Variants in FARS2 observed in about 807,000 individuals in gnomAD.
FARS2 encodes the protein phenylalanine--tRNA ligase, mitochondrial.
FARS2 carries 40 observed loss-of-function variants against 46.4 expected under a neutral mutation model. That is an observed-to-expected ratio of 0.86 (90% CI 0.67 to 1.12). The LOEUF (loss-of-function observed/expected upper bound fraction) is 1.12, where lower values mean the gene tolerates loss of function less well. Ranked by LOEUF, FARS2 falls within the 50% of genes most tolerant of loss-of-function variation. FARS2 has a pLI of 0.00. For missense variants in FARS2, 513 were observed against 567.9 expected (o/e 0.90, Z 0.98); for synonymous variants, 234 against 214.9 (o/e 1.09, Z -0.78).
At chr6:5,331,512 T>A (rs1436218420) in intron 1 of FARS2, among the ~76,000 whole-genome samples, 3 of 152,160 alleles carry the variant, frequency 2.0e-5, no homozygotes, top group Non-Finnish European at 4.4e-5. Flanking sequence ...TTACCTGGTG[T>A]CTTGTTCACA....
chr6:5,320,351 C>T (rs1431958751), intron 1 of FARS2, among the ~76,000 whole-genome samples: 2 of 152,142 alleles, frequency 1.3e-5, no homozygotes, highest in African/African-American at 2.4e-5. Context: ...TGATGGGAGG[C>T]CAAAAACAGA....
the FARS2 span, among the ~76,000 whole-genome samples, chr6:5,253,084 T>G: frequency 6.6e-6 from 1 of 152,220 alleles, no homozygotes; most frequent in Non-Finnish European, 1.5e-5. Flanking sequence ...TTACCCTTAA[T>G]AGGAGGCTCA....
intron 4 of FARS2, among the ~76,000 whole-genome samples, chr6:5,513,677 G>A (rs1285145959): frequency 6.6e-6 from 1 of 152,160 alleles, no homozygotes; most frequent in Non-Finnish European, 1.5e-5. Flanking sequence ...AGGTTGTCCA[G>A]GGTGATAAGA....
chr6:5,415,450 G>C (rs1211255093), intron 3 of FARS2, among the ~76,000 whole-genome samples: 1 of 151,006 alleles, frequency 6.6e-6, no homozygotes, highest in African/African-American at 2.4e-5. Context: ...CCAAGTAGCT[G>C]GGATTACAGG....
At chr6:5,363,812 T>G (rs1459663381) in intron 1 of FARS2, among the ~76,000 whole-genome samples, 1 of 152,230 alleles carries the variant, frequency 6.6e-6, no homozygotes, top group African/African-American at 2.4e-5. Context: ...CCAAGTATTC[T>G]TCTATCTTTT....
At chr6:5,514,045 C>T (rs773443525) in intron 4 of FARS2, among the ~76,000 whole-genome samples, 1 of 150,310 alleles carries the variant, frequency 6.7e-6, no homozygotes, top group African/African-American at 2.5e-5. Flanking sequence ...GTATACAATG[C>T]AGTAAAGTAG....
At chr6:5,454,236 G>A (rs1454368293) in intron 4 of FARS2, among the ~76,000 whole-genome samples, 2 of 148,290 alleles carry the variant, frequency 1.3e-5, no homozygotes, top group Non-Finnish European at 3.0e-5. Context: ...CCTTTCTGCT[G>A]TCACTTGTGA....
At chr6:5,556,195 T>G (rs1771646758) in intron 5 of FARS2, among the ~76,000 whole-genome samples, 1 of 152,120 alleles carries the variant, frequency 6.6e-6, no homozygotes, top group African/African-American at 2.4e-5. Context: ...TTAATCCTAG[T>G]TAAACCTAAC....
intron 2 of FARS2, among the ~76,000 whole-genome samples, chr6:5,375,616 A>G (rs1379553248): frequency 1.3e-5 from 2 of 152,068 alleles, no homozygotes; most frequent in East Asian, 3.8e-4. Context: ...GTGTAGTTGT[A>G]AAGATAGTTT....
At chr6:5,319,424 A>C (rs2086647498) in intron 1 of FARS2, among the ~76,000 whole-genome samples, 1 of 152,346 alleles carries the variant, frequency 6.6e-6, no homozygotes, top group South Asian at 2.1e-4. Context: ...CACACTATGC[A>C]TGTGGCCCCT....
chr6:5,341,206 TATATATATATATATATATA>T (rs1771556080), intron 1 of FARS2, among the ~76,000 whole-genome samples: 7 of 8,012 alleles, frequency 8.7e-4, no homozygotes, highest in African/African-American at 1.6e-3. Context: ...TATATATATA[TATATATATATATATATATA>T]TATATATATA....
intron 4 of FARS2, among the ~76,000 whole-genome samples, chr6:5,433,864 G>A (rs942063752): frequency 6.6e-6 from 1 of 152,150 alleles, no homozygotes; most frequent in Non-Finnish European, 1.5e-5. Context: ...CAATATCCTT[G>A]ATGGGTTTTT....
chr6:5,655,453 G>T (rs953261520), intron 6 of FARS2, among the ~76,000 whole-genome samples: 3 of 152,166 alleles, frequency 2.0e-5, no homozygotes, highest in African/African-American at 7.2e-5. Flanking sequence ...TACAGCTGCA[G>T]ATCAGATGCC....
At chr6:5,717,215 A>G (rs1759550593) in intron 6 of FARS2, among the ~76,000 whole-genome samples, 2 of 152,354 alleles carry the variant, frequency 1.3e-5, no homozygotes, top group Middle Eastern at 3.4e-3. Flanking sequence ...AAAAGAAGGT[A>G]GAAGGTCAGA....
chr6:5,369,317 T>A, intron 2 of FARS2, 135 bp downstream of exon 2: 1 of 832,338 alleles, frequency 1.2e-6, no homozygotes, highest in Non-Finnish European at 1.8e-6. Context: ...CATCCATACT[T>A]AATGACATCT....
At chr6:5,276,940 A>C (rs1766377661) in intron 1 of FARS2, among the ~76,000 whole-genome samples, 1 of 152,230 alleles carries the variant, frequency 6.6e-6, no homozygotes. Flanking sequence ...CCTTGAAGTG[A>C]AATCCACCTA....
intron 6 of FARS2, among the ~76,000 whole-genome samples, chr6:5,658,099 G>A (rs1346211941): frequency 6.6e-6 from 1 of 152,056 alleles, no homozygotes; most frequent in Non-Finnish European, 1.5e-5. Flanking sequence ...TCTACTAAAA[G>A]TACAAAGTTT....
At chr6:5,638,102 G>T (rs1390374655) in intron 6 of FARS2, among the ~76,000 whole-genome samples, 2 of 152,194 alleles carry the variant, frequency 1.3e-5, no homozygotes, top group Non-Finnish European at 2.9e-5. Flanking sequence ...GCCTGGGGAT[G>T]CTGTGCCTTA....
intron 4 of FARS2, among the ~76,000 whole-genome samples, chr6:5,467,510 T>A (rs1765574946): frequency 6.6e-6 from 1 of 152,198 alleles, no homozygotes; most frequent in Admixed American, 6.5e-5. Context: ...TCTTCAGTGA[T>A]CTCCTTTCTT....
Sources: gnomAD v4.1 joint callset for allele counts (sites outside exome capture counted in the v4.1 genomes callset) on GRCh38, gnomAD v4.1.1 for gene constraint, MANE v1.5 for transcripts, NCBI Gene and HGNC (gene_info 2026-07-23, HGNC 2026-07-21) for gene names.